ITGAD: variants seen among roughly 807,000 people sequenced by gnomAD.
The protein encoded by ITGAD is integrin alpha-D.
A neutral mutation model predicts 139.0 loss-of-function variants in ITGAD; 105 were observed. The observed-to-expected ratio is 0.76, with a 90% CI of 0.65 to 0.89. ITGAD has a LOEUF of 0.89. ITGAD is among the 40% of genes least tolerant of loss of function. The probability of loss-of-function intolerance (pLI) is 0.00; values close to 1 mark genes in which losing one functional copy is unlikely to be tolerated. For synonymous variants in ITGAD, 569 were observed against 598.3 expected (o/e 0.95, Z 0.71); for missense variants, 1,384 against 1,487.3 (o/e 0.93, Z 1.14).
At chr16:31,420,223 G>T (rs1442200826) in intron 23 of ITGAD, among the ~76,000 whole-genome samples, 1 of 152,146 alleles carries the variant, frequency 6.6e-6, no homozygotes, top group Non-Finnish European at 1.5e-5. Flanking sequence ...GAAACTGTTG[G>T]GAAGGTCTCT....
Position 31,418,550 on chromosome 16 carries a change from C to T in ITGAD, c.2766C>T (p.Tyr922=). 1 of 1,614,044 alleles carries T rather than the reference C, an allele frequency of 6.2e-7. No homozygotes were observed. The highest frequency in any genetic ancestry group is 8.5e-7 in the Non-Finnish European group (1 of 1,179,914). The stretch of plus-strand genomic sequence containing the variant: ...AGCTCCCGGTGAAGTATGCAGTCTA[C>T]ACCATGATCAGCAGGTGCCCAGTCC... ...QLELPVKYAV[Y]TMISRQEEST... Residue 922 remains tyrosine (Y), a synonymous_variant, in exon 23 of 30, where the codon TAC becomes TAT. Coordinates refer to ENST00000389202, the MANE Select transcript of ITGAD (RefSeq NM_005353.3).
At chr16:31,405,356 A>G (rs1000870739) in intron 7 of ITGAD, among the ~76,000 whole-genome samples, 5 of 152,228 alleles carry the variant, frequency 3.3e-5, no homozygotes, top group African/African-American at 1.2e-4. Flanking sequence ...ATTACAAAAA[A>G]ACAAAAACAA....
intron 10 of ITGAD, among the ~76,000 whole-genome samples, chr16:31,409,244 G>A (rs375424476): frequency 1.3e-5 from 2 of 151,998 alleles, no homozygotes; most frequent in East Asian, 1.9e-4. Context: ...GCACTGAGCC[G>A]AGATTGTGCC....
At position 31,426,460 on chromosome 16, in the gene ITGAD, G is replaced by A. The variant is rs1031829892; in HGVS notation, c.*332G>A. On this transcript the variant is annotated 3_prime_UTR_variant, in exon 30 of 30. Transcript: ENST00000389202. ...GGACCTGAGTGCCTCTCTGGGAATA[G>A]TCGGGGGAACCTATTTGTGGGCATT... is the stretch of plus-strand genomic sequence containing the variant. 7.8e-6 allele frequency: 2 copies of A among 255,574 alleles called. No individual in the cohort carries two copies. Among genetic ancestry groups the A allele is most frequent in the Admixed American group, 5.1e-5 (1 of 19,796 alleles). The allele number at this position is 255,574 out of a possible 1,614,324, so 15.8% of individuals were successfully genotyped here.
chr16:31,410,603 T>G (rs1597136019), intron 11 of ITGAD, 79 bp downstream of exon 11: 1 of 778,926 alleles, frequency 1.3e-6, no homozygotes. Flanking sequence ...GGAGGGGGGA[T>G]GGGCGCTGTG....
At position 31,412,938 on chromosome 16, in the gene ITGAD, T is replaced by C. The variant is rs748671128; in HGVS notation, c.1808T>C (p.Val603Ala). ...LTQDGLMDLA[V>A]GARGQVLLLR... ...CAGGATGGACTGATGGACCTGGCCG[T>C]GGGGGCCCGGGGCCAGGTGCTCCTG... is the stretch of plus-strand genomic sequence containing the variant. The change falls in exon 15 of 30, where the codon GTG becomes GCG. Residue 603 changes from valine to alanine, a missense_variant. By Grantham distance (64) the Val-to-Ala change is moderately conservative (BLOSUM62 0). Transcript: ENST00000389202. The C allele has an allele frequency of 2.5e-6, 4 of 1,611,040 alleles. No individual in the cohort carries two copies. The African/African-American group carries it at 5.3e-5, about 22-fold the overall frequency.
At chr16:31,420,458 T>C (rs1043067652) in intron 23 of ITGAD, among the ~76,000 whole-genome samples, 2 of 152,016 alleles carry the variant, frequency 1.3e-5, no homozygotes, top group Admixed American at 1.3e-4. Context: ...AGTTCAGTGG[T>C]GCAATCTGGG....
At chr16:31,408,400 A>G (rs767409577) in intron 9 of ITGAD, 25 bp from the exon 10 acceptor site, 89 of 1,607,908 alleles carry the variant, frequency 5.5e-5, no homozygotes, top group Middle Eastern at 4.9e-4. Flanking sequence ...GCTTCTAGGA[A>G]CTTCACTGAC....
intron 10 of ITGAD, among the ~76,000 whole-genome samples, chr16:31,409,996 AG>A (rs1232553615): frequency 6.7e-6 from 1 of 148,978 alleles, no homozygotes; most frequent in African/African-American, 2.5e-5. Context: ...CAAGAAGGGG[AG>A]GGAGGTGTCC....
intron 20 of ITGAD, 58 bp downstream of exon 20, chr16:31,416,704 G>A (rs2081897059): frequency 2.6e-6 from 4 of 1,528,668 alleles, no homozygotes; most frequent in Non-Finnish European, 1.8e-6. Flanking sequence ...TGTAGCCCCG[G>A]GAGTTACACA....
At chr16:31,405,435 C>T (rs2081513361) in intron 7 of ITGAD, among the ~76,000 whole-genome samples, 1 of 151,974 alleles carries the variant, frequency 6.6e-6, no homozygotes. Flanking sequence ...ACCCACAGTC[C>T]CTCTAGTCAA....
At position 31,418,358 on chromosome 16, in the gene ITGAD, C is replaced by T. The variant is rs780465303; in HGVS notation, c.2674C>T (p.Leu892Phe). 2.5e-6 allele frequency: 4 copies of T among 1,614,068 alleles called. No individual in the cohort carries two copies. In the South Asian group the frequency reaches 4.4e-5, roughly 18 times the overall value. ...SYKATLGDRMLMRASASSENN... is the reference protein window; with the variant it reads ...SYKATLGDRMFMRASASSENN... Reference sequence around the variant, plus strand: ...CAAGGCCACCCTGGGAGACAGGATGCTTATGAGGGCCAGTGCAAGCAGGTG... The same window carrying T: ...CAAGGCCACCCTGGGAGACAGGATGTTTATGAGGGCCAGTGCAAGCAGGTG... Residue 892 changes from leucine (L) to phenylalanine (F), a missense_variant, in exon 22 of 30, where the codon CTT becomes TTT. Transcript: ENST00000389202.
Position 31,418,533 on chromosome 16 carries a change from G to T in ITGAD, c.2749G>T (p.Val917Leu). The change falls in exon 23 of 30, where the codon GTG (valine) becomes TTG (leucine). Residue 917 changes from valine (V) to leucine (L), a missense_variant. Val to Leu is a conservative substitution (Grantham distance 32). Coordinates refer to ENST00000389202, the MANE Select transcript of ITGAD (RefSeq NM_005353.3). The stretch of plus-strand genomic sequence containing the variant: ...GGCCACCTTCCAGCTGGAGCTCCCG[G>T]TGAAGTATGCAGTCTACACCATGAT... ...SKATFQLELP[V>L]KYAVYTMISR... is the part of the protein sequence containing the mutation. 6.2e-7 allele frequency: 1 copy of T among 1,614,110 alleles called. No individual in the cohort carries two copies. The highest frequency in any genetic ancestry group is 1.7e-5 in the Admixed American group (1 of 60,016).
chr16:31,416,448 C>A, intron 19 of ITGAD, 57 bp from the exon 20 acceptor site: 1 of 1,582,188 alleles, frequency 6.3e-7, no homozygotes, highest in Non-Finnish European at 8.6e-7. Context: ...CCTGCCCTTC[C>A]CAGTTCCCAC....
chr16:31,423,331 C>T (rs1304440196), intron 24 of ITGAD, 21 bp from the exon 25 acceptor site: 1 of 1,609,220 alleles, frequency 6.2e-7, no homozygotes, highest in Non-Finnish European at 8.5e-7. Flanking sequence ...CACAATAACA[C>T]TCTGCCTTGA....
At chr16:31,402,278 G>C in intron 6 of ITGAD, 33 bp downstream of exon 6, 1 of 1,575,924 alleles carries the variant, frequency 6.3e-7, no homozygotes, top group Non-Finnish European at 8.7e-7. Context: ...TGGGGTTTGG[G>C]GGACGGGGGA....
At position 31,419,837 on chromosome 16, in the gene ITGAD, A is replaced by G. The variant is rs796829124; in HGVS notation, c.2780+1273A>G. Among the ~76,000 whole-genome samples the G allele has an allele frequency of 8.6e-4, 130 of 151,776 alleles. 1 individual carries two copies. Among genetic ancestry groups the G allele is most frequent in the African/African-American group, 2.6e-3 (107 of 41,336 alleles). On this transcript the variant is annotated intron_variant, in intron 23 of 29. Transcript: ENST00000389202. ...CAAAAAAAAAAAAAAAAAAAGAAAA[A>G]AAAAGAAAAGAAAAAGAAATTGCCT...
At chr16:31,418,017 T>C (rs2081932067) in intron 20 of ITGAD, 58 bp from the exon 21 acceptor site, 1 of 1,337,892 alleles carries the variant, frequency 7.5e-7, no homozygotes, top group African/African-American at 1.4e-5. Context: ...ACCACTGCTG[T>C]GTATCAAGCC....
At chr16:31,394,185 G>C in intron 1 of ITGAD, 51 bp from the exon 2 acceptor site, 2 of 1,170,584 alleles carry the variant, frequency 1.7e-6, no homozygotes, top group Non-Finnish European at 2.6e-6. Context: ...AGGTCCTAGG[G>C]ATTGGGGCTT....
Sources: gnomAD v4.1 joint callset for allele counts (sites outside exome capture counted in the v4.1 genomes callset) on GRCh38, gnomAD v4.1.1 for gene constraint, MANE v1.5 for transcripts, NCBI Gene and HGNC (gene_info 2026-07-23, HGNC 2026-07-21) for gene names.